Variants in PTPRN2 observed in about 807,000 individuals in gnomAD.
PTPRN2 encodes receptor-type tyrosine-protein phosphatase N2.
Under a neutral mutation model 118.8 loss-of-function variants are expected in PTPRN2, and 74 were observed. That is an observed-to-expected ratio of 0.62 (90% CI 0.52 to 0.76). The LOEUF (loss-of-function observed/expected upper bound fraction) is 0.76. Among genes scored for constraint, PTPRN2 ranks in the 30% least tolerant of loss-of-function variants. The pLI is 0.00. For synonymous variants in PTPRN2, 641 were observed against 608.0 expected, an observed-to-expected ratio of 1.05 and a Z score of -0.80; for missense variants, 1,481 against 1,394.4, an observed-to-expected ratio of 1.06 and a Z score of -0.99.
intron 12 of PTPRN2, among the ~76,000 whole-genome samples, chr7:157,746,974 T>C: frequency 6.7e-6 from 1 of 149,622 alleles, no homozygotes. Context: ...CTCTCAGCTG[T>C]GGGCTGTTGA....
intron 4 of PTPRN2, among the ~76,000 whole-genome samples, chr7:158,195,960 C>T (rs771091988): frequency 3.3e-4 from 51 of 152,248 alleles, no homozygotes; most frequent in Admixed American, 1.6e-3. Context: ...TCAACCCTCT[C>T]GGTTCTTACT....
At chr7:157,683,842 G>A (rs997293658) in intron 12 of PTPRN2, among the ~76,000 whole-genome samples, 13 of 152,250 alleles carry the variant, frequency 8.5e-5, no homozygotes, top group African/African-American at 2.2e-4. Flanking sequence ...CAGACCGCGC[G>A]CCCTGCACAA....
rs1827968981 is a variant in PTPRN2, at chr7:158,216,500, G to C, written c.278-11227C>G. ...TTGAATAAAATGATATAGGATGGTT[G>C]AAAGTAAAAATATTTTTAAAAATAT... On this transcript the variant is annotated intron_variant, in intron 3 of 22. Coordinates refer to ENST00000389418, the MANE Select transcript of PTPRN2 (RefSeq NM_002847.5). 2.0e-5 allele frequency among the ~76,000 whole-genome samples: 3 copies of C among 151,936 alleles called. 1 individual carries two copies. The South Asian group carries it at 6.2e-4, about 32-fold the overall frequency.
intron 5 of PTPRN2, among the ~76,000 whole-genome samples, chr7:158,178,981 G>A (rs1032136815): frequency 6.6e-6 from 1 of 152,146 alleles, no homozygotes; most frequent in African/African-American, 2.4e-5. Flanking sequence ...ATCTACAGGT[G>A]CCTTTTTGAT....
At chr7:157,776,236 T>A (rs1803221731) in intron 12 of PTPRN2, among the ~76,000 whole-genome samples, 1 of 109,570 alleles carries the variant, frequency 9.1e-6, no homozygotes, top group Non-Finnish European at 1.8e-5. Flanking sequence ...CTTCTCATCT[T>A]CCTCCCTCCT....
At chr7:158,197,268 G>A (rs1826280209) in intron 4 of PTPRN2, among the ~76,000 whole-genome samples, 1 of 152,172 alleles carries the variant, frequency 6.6e-6, no homozygotes, top group Non-Finnish European at 1.5e-5. Flanking sequence ...AGCAAGAAGT[G>A]TCTTCTATCC....
At chr7:158,128,735 C>A (rs997397010) in intron 9 of PTPRN2, among the ~76,000 whole-genome samples, 3 of 152,112 alleles carry the variant, frequency 2.0e-5, no homozygotes, top group Admixed American at 6.5e-5. Context: ...AACACCTCGG[C>A]ATCCATTTGG....
chr7:157,902,372 G>A (rs915733466), intron 11 of PTPRN2, among the ~76,000 whole-genome samples: 2 of 151,454 alleles, frequency 1.3e-5, no homozygotes, highest in Non-Finnish European at 1.5e-5. Context: ...AGAGTACGTG[G>A]AAATCAACCT....
intron 1 of PTPRN2, among the ~76,000 whole-genome samples, chr7:158,553,013 C>T (rs1826762646): frequency 6.6e-6 from 1 of 152,082 alleles, no homozygotes; most frequent in Non-Finnish European, 1.5e-5. Context: ...CCTGTCTACA[C>T]CTGCAGGTTT....
In PTPRN2 at chr7:157,656,422, C is replaced by T. The variant is rs150156180; in HGVS notation, c.2131G>A (p.Ala711Thr). ...PIPSPSARSS[A>T]SSWSEEPVQS... is the part of the protein sequence containing the mutation. ...ACAGGCTCCTCGGACCAGGATGAGG[C>T]GCTGCTGCGTGCGGAGGGGCTGGGG... The change falls in exon 14 of 23, where the codon GCC becomes ACC. Residue 711 changes from alanine to threonine, a missense_variant. By Grantham distance (58) the Ala-to-Thr change is moderately conservative (BLOSUM62 0). Around this residue, in one of 3 missense-constraint regions of PTPRN2, gnomAD observed 1,115 missense variants for 994.2 expected, o/e 1.12. Coordinates refer to ENST00000389418, the MANE Select transcript of PTPRN2 (RefSeq NM_002847.5). 8.6e-5 allele frequency: 133 copies of T among 1,553,394 alleles called. No individual in the cohort carries two copies. In the African/African-American group the frequency reaches 1.0e-3, roughly 12 times the overall value.
intron 5 of PTPRN2, among the ~76,000 whole-genome samples, chr7:158,171,089 CACAT>C (rs1389835293): frequency 3.7e-5 from 5 of 135,316 alleles, no homozygotes; most frequent in African/African-American, 1.2e-4. Context: ...TATATATACA[CACAT>C]ATATATATAC....
At chr7:158,535,301 C>T (rs890813226) in intron 1 of PTPRN2, among the ~76,000 whole-genome samples, 4 of 152,198 alleles carry the variant, frequency 2.6e-5, no homozygotes, top group Admixed American at 2.6e-4. Context: ...CACCTAATGT[C>T]AATGCTCACT....
chr7:157,694,130 G>A (rs1205917696), intron 12 of PTPRN2, among the ~76,000 whole-genome samples: 2 of 152,234 alleles, frequency 1.3e-5, no homozygotes, highest in Non-Finnish European at 2.9e-5. Context: ...CCCTTCTTCC[G>A]TTGTCTCAGT....
intron 2 of PTPRN2, among the ~76,000 whole-genome samples, chr7:158,425,820 G>A (rs1164444740): frequency 2.0e-4 from 3 of 14,670 alleles, no homozygotes; most frequent in Non-Finnish European, 3.0e-4. Context: ...CGCGGGGTCC[G>A]AGACCAGCCT....
chr7:158,423,556 CA>C (rs775894808), intron 2 of PTPRN2, among the ~76,000 whole-genome samples: 1 of 150,498 alleles, frequency 6.6e-6, no homozygotes. Flanking sequence ...TTTTTTGAGA[CA>C]AAGTCTCACT....
rs1586276017 is a variant in PTPRN2, at chr7:158,327,291, A to G, written c.164-10359T>C. 2.8e-5 allele frequency among the ~76,000 whole-genome samples: 4 copies of G among 143,876 alleles called. 1 individual carries two copies. The South Asian group carries it at 9.2e-4, about 33-fold the overall frequency. 94.4% of individuals were successfully genotyped at this position (143,876 alleles called of 152,430 possible). ...CACACGTGCTCACACATGCTCACAC[A>G]TGTACACATTCTCACACATACACAT... On this transcript the variant is annotated intron_variant, in intron 2 of 22. Transcript: ENST00000389418.
At chr7:157,761,666 T>A (rs182021699) in intron 12 of PTPRN2, among the ~76,000 whole-genome samples, 3,371 of 147,642 alleles carry the variant, frequency 0.023, 353 homozygotes, top group African/African-American at 0.049. Context: ...AACCTAGGCA[T>A]TACCATTCAG....
chr7:157,732,138 C>T (rs1217405751), intron 12 of PTPRN2, among the ~76,000 whole-genome samples: 8 of 101,588 alleles, frequency 7.9e-5, no homozygotes, highest in African/African-American at 3.1e-4. Context: ...CCGCCCCATG[C>T]GCCCAGCACA....
At chr7:157,595,761 C>T (rs1179129884) in intron 16 of PTPRN2, among the ~76,000 whole-genome samples, 1 of 152,196 alleles carries the variant, frequency 6.6e-6, no homozygotes, top group Non-Finnish European at 1.5e-5. Flanking sequence ...CTGAGCAACA[C>T]ACAACTTGCC....
Sources: allele counts gnomAD v4.1 joint callset (sites outside exome capture counted in the v4.1 genomes callset), GRCh38; gene constraint gnomAD v4.1.1; regional missense constraint gnomAD v4.1.1; transcripts MANE v1.5; gene names NCBI Gene and HGNC (gene_info 2026-07-23, HGNC 2026-07-21).